PBX3: variants seen among roughly 807,000 people sequenced by gnomAD.
PBX3 encodes the protein pre-B-cell leukemia transcription factor 3.
PBX3 carries 14 observed loss-of-function variants against 48.5 expected under a neutral mutation model. The observed-to-expected ratio is 0.29, with a 90% confidence interval of 0.19 to 0.45. The LOEUF (loss-of-function observed/expected upper bound fraction) is 0.45. Among genes scored for constraint, PBX3 ranks in the 20% least tolerant of loss-of-function variants. PBX3 has a pLI of 1.00. For synonymous variants in PBX3, 210 were observed against 200.3 expected (o/e 1.05, Z -0.41); for missense variants, 386 against 546.7 (o/e 0.71, Z 2.93).
At chr9:125,806,306 A>G (rs1016112161) in intron 2 of PBX3, among the ~76,000 whole-genome samples, 1 of 152,172 alleles carries the variant, frequency 6.6e-6, no homozygotes, top group Non-Finnish European at 1.5e-5. Context: ...GAGGGAGAGT[A>G]GGAGGAAATG....
At chr9:125,814,948 T>G (rs1361787200) in intron 2 of PBX3, among the ~76,000 whole-genome samples, 3 of 152,182 alleles carry the variant, frequency 2.0e-5, no homozygotes, top group African/African-American at 7.2e-5. Context: ...GCCTGAAGGA[T>G]TAGGGAATTA....
At chr9:125,886,568 G>T (rs1007189756) in intron 2 of PBX3, among the ~76,000 whole-genome samples, 2 of 152,142 alleles carry the variant, frequency 1.3e-5, no homozygotes, top group African/African-American at 4.8e-5. Context: ...CATTTACTGG[G>T]AGTGTAATTT....
At chr9:125,858,956 A>G (rs1196626006) in intron 2 of PBX3, among the ~76,000 whole-genome samples, 2 of 152,124 alleles carry the variant, frequency 1.3e-5, no homozygotes, top group Non-Finnish European at 2.9e-5. Flanking sequence ...ATTATCTTTA[A>G]TAGTGGTAAA....
chr9:125,783,223 C>T (rs905269958), intron 2 of PBX3, among the ~76,000 whole-genome samples: 6 of 152,032 alleles, frequency 3.9e-5, no homozygotes, highest in South Asian at 2.1e-4. Flanking sequence ...TGATGGTATG[C>T]GTGATGTCTC....
chr9:125,936,492 G>T lies in PBX3; in HGVS notation c.843+885G>T, dbSNP rs535875437. Among the ~76,000 whole-genome samples the T allele has an allele frequency of 3.3e-5, 5 of 152,302 alleles. 1 individual carries two copies. In the East Asian group the frequency reaches 5.8e-4, roughly 18 times the overall value. On this transcript the variant is annotated intron_variant, in intron 5 of 8. Transcript: ENST00000373489. The stretch of plus-strand genomic sequence containing the variant: ...TCAAAAATTTCAGTGTTCACTAGGG[G>T]TCACATGAAACCACTTTTAAAAGTA...
chr9:125,892,302 T>G (rs1181824028), intron 2 of PBX3, among the ~76,000 whole-genome samples: 1 of 152,200 alleles, frequency 6.6e-6, no homozygotes, highest in Non-Finnish European at 1.5e-5. Flanking sequence ...GTTTGTATCG[T>G]AATATCATTT....
chr9:125,875,367 G>C (rs1174428245), intron 2 of PBX3, among the ~76,000 whole-genome samples: 1 of 152,048 alleles, frequency 6.6e-6, no homozygotes, highest in Non-Finnish European at 1.5e-5. Context: ...TACTGTTTGA[G>C]TGACTGTATT....
intron 2 of PBX3, among the ~76,000 whole-genome samples, chr9:125,793,362 A>ATATATAT (rs1554855726): frequency 1.5e-5 from 1 of 65,652 alleles, no homozygotes; most frequent in African/African-American, 5.7e-5. Flanking sequence ...GGGGGGAAAA[A>ATATATAT]AAAAATATAT....
intron 5 of PBX3, among the ~76,000 whole-genome samples, chr9:125,939,774 A>C (rs1410144635): frequency 6.6e-6 from 1 of 152,244 alleles, no homozygotes. Context: ...GTATCAATTC[A>C]TGTTGAGTGA....
At chr9:125,885,052 G>A (rs778073489) in intron 2 of PBX3, among the ~76,000 whole-genome samples, 2 of 152,022 alleles carry the variant, frequency 1.3e-5, no homozygotes, top group African/African-American at 2.4e-5. Context: ...TTCAGCTTAG[G>A]TCAACTGTTA....
chr9:125,862,926 ACT>A (rs1839896117), intron 2 of PBX3, among the ~76,000 whole-genome samples: 1 of 151,224 alleles, frequency 6.6e-6, no homozygotes, highest in Non-Finnish European at 1.5e-5. Flanking sequence ...ACATGGCCTC[ACT>A]CTGTCGCCCA....
chr9:125,802,814 G>C (rs1369581360), intron 2 of PBX3, among the ~76,000 whole-genome samples: 1 of 151,736 alleles, frequency 6.6e-6, no homozygotes, highest in East Asian at 2.0e-4. Context: ...GAGTAGCTGG[G>C]ATTACAGGTG....
chr9:125,898,090 T>C (rs1051863983), intron 2 of PBX3, among the ~76,000 whole-genome samples: 2 of 151,750 alleles, frequency 1.3e-5, no homozygotes, highest in African/African-American at 4.8e-5. Context: ...AATAATGAGG[T>C]CCCTGCTTGC....
intron 2 of PBX3, among the ~76,000 whole-genome samples, chr9:125,905,465 G>T (rs1456932171): frequency 6.6e-6 from 1 of 151,950 alleles, no homozygotes; most frequent in Non-Finnish European, 1.5e-5. Context: ...CTTATCAAAG[G>T]GAGATTAAAT....
At chr9:125,872,925 C>T (rs967983236) in intron 2 of PBX3, among the ~76,000 whole-genome samples, 1 of 151,076 alleles carries the variant, frequency 6.6e-6, no homozygotes, top group African/African-American at 2.4e-5. Flanking sequence ...TTCGGCTGGG[C>T]GCGGTGGCTC....
chr9:125,792,042 ACACGCACGCACGCACGCACG>A (rs34328835), intron 2 of PBX3, among the ~76,000 whole-genome samples: 2 of 143,238 alleles, frequency 1.4e-5, no homozygotes, highest in South Asian at 2.2e-4. Flanking sequence ...CTACACACAC[ACACGCACGCACGCACGCACG>A]CACGCACGCA....
chr9:125,854,450 A>G (rs555266922), intron 2 of PBX3, among the ~76,000 whole-genome samples: 21 of 152,178 alleles, frequency 1.4e-4, no homozygotes, highest in African/African-American at 4.1e-4. Flanking sequence ...TTTATTTTTA[A>G]TATTAAAAAA....
At chr9:125,915,567 C>A in intron 2 of PBX3, 119 bp from the exon 3 acceptor site, 1 of 699,556 alleles carries the variant, frequency 1.4e-6, no homozygotes, top group Non-Finnish European at 2.3e-6. Flanking sequence ...AAGTTCTCAG[C>A]ATGAATTGTA....
chr9:125,935,157 G>T (rs1304278666), intron 4 of PBX3, among the ~76,000 whole-genome samples: 2 of 152,034 alleles, frequency 1.3e-5, no homozygotes, highest in African/African-American at 4.8e-5. Flanking sequence ...CCTCTTCCCT[G>T]TAAGCTCTCT....
Sources: allele counts gnomAD v4.1 joint callset (sites outside exome capture counted in the v4.1 genomes callset), GRCh38; gene constraint gnomAD v4.1.1; transcripts MANE v1.5; gene names NCBI Gene and HGNC (gene_info 2026-07-23, HGNC 2026-07-21).